The following B3GAT2 variants were observed in gnomAD, a reference collection of about 807,000 sequenced individuals.
The protein encoded by B3GAT2 is galactosylgalactosylxylosylprotein 3-beta-glucuronosyltransferase 2.
B3GAT2 carries 26 observed loss-of-function variants against 27.8 expected under a neutral mutation model. The observed-to-expected ratio is 0.93, with a 90% CI of 0.68 to 1.30. The LOEUF (loss-of-function observed/expected upper bound fraction) is 1.30, where lower values mean the gene tolerates loss of function less well. Ranked by LOEUF, B3GAT2 falls within the 50% of genes most tolerant of loss-of-function variation. B3GAT2 has a pLI of 0.00. For missense variants in B3GAT2, 458 were observed against 459.0 expected (o/e 1.00, Z 0.02); for synonymous variants, 218 against 195.1 (o/e 1.12, Z -0.98).
chr6:70,947,186 G>A (rs1480891941), intron 1 of B3GAT2, among the ~76,000 whole-genome samples: 1 of 151,620 alleles, frequency 6.6e-6, no homozygotes, highest in South Asian at 2.1e-4. Flanking sequence ...AAAAGCAAGA[G>A]CAAACACATT....
intron 1 of B3GAT2, among the ~76,000 whole-genome samples, chr6:70,939,833 A>G (rs1765359774): frequency 6.6e-6 from 1 of 152,098 alleles, no homozygotes; most frequent in Admixed American, 6.5e-5. Context: ...AGCATGGCAC[A>G]TGTATACATA....
At chr6:70,931,170 A>T (rs752772078) in intron 1 of B3GAT2, among the ~76,000 whole-genome samples, 7 of 151,860 alleles carry the variant, frequency 4.6e-5, no homozygotes, top group Non-Finnish European at 7.4e-5. Context: ...AACATCACAC[A>T]CTGGGGCCTG....
In B3GAT2 at chr6:70,861,071, A is replaced by G. The variant is rs1771702412; in HGVS notation, c.*592T>C. The G allele has an allele frequency of 1.0e-5, 2 of 199,262 alleles. No individual in the cohort carries two copies. Among genetic ancestry groups the G allele is most frequent in the Admixed American group, 1.2e-4 (2 of 16,872 alleles). 12.3% of individuals were successfully genotyped at this position (199,262 alleles called of 1,614,324 possible). On this transcript the variant is annotated 3_prime_UTR_variant, in exon 4 of 4. Transcript: ENST00000230053. ...GCCACTTTCAATCTTCAATCCTTGA[A>G]GGTATATCTAGGTTTATGACAGTAA...
In B3GAT2 at chr6:70,860,373, C is replaced by T. The variant is rs1771663377; in HGVS notation, c.*1290G>A. The T allele has an allele frequency of 6.3e-7, 1 of 1,576,658 alleles. No individual in the cohort carries two copies. The highest frequency in any genetic ancestry group is 1.2e-5 in the South Asian group (1 of 85,044). On this transcript the variant is annotated 3_prime_UTR_variant, in exon 4 of 4. Transcript: ENST00000230053. The stretch of plus-strand genomic sequence containing the variant: ...AGTTTCATCCAGAACTACCACCTGA[C>T]ATTCCTTGCTGAAACGCATCTAGTT...
At chr6:70,921,223 T>C (rs1299739069) in intron 1 of B3GAT2, among the ~76,000 whole-genome samples, 1 of 152,196 alleles carries the variant, frequency 6.6e-6, no homozygotes, top group Non-Finnish European at 1.5e-5. Flanking sequence ...GGGATGTCAA[T>C]GAGTCACAGA....
chr6:70,948,155 C>T (rs952066170), intron 1 of B3GAT2, among the ~76,000 whole-genome samples: 4 of 148,488 alleles, frequency 2.7e-5, no homozygotes, highest in African/African-American at 5.0e-5. Context: ...GAGGCATTCC[C>T]TTTGAAAACG....
chr6:70,956,368 A>T lies in B3GAT2; in HGVS notation c.62T>A (p.Ile21Asn). The T allele has an allele frequency of 6.4e-7, 1 of 1,560,512 alleles. No individual in the cohort carries two copies. Residue 21 changes from isoleucine to asparagine, a missense_variant, in exon 1 of 4, where the codon ATC becomes AAC. By Grantham distance (149) the Ile-to-Asn change is moderately radical (BLOSUM62 -3). Coordinates refer to ENST00000230053, the MANE Select transcript of B3GAT2 (RefSeq NM_080742.3). ...CCTGCGCGTGTCCACGTCGAGCATG[A>T]TGATGACAATTAGGATCCAGGGCAG... ...ILLPWILIVI[I>N]MLDVDTRRPV...
intron 2 of B3GAT2, among the ~76,000 whole-genome samples, chr6:70,891,097 C>A (rs1255657594): frequency 6.6e-6 from 1 of 152,186 alleles, no homozygotes; most frequent in Non-Finnish European, 1.5e-5. Flanking sequence ...CAAAACAGAG[C>A]TAAAACCTTT....
chr6:70,870,534 AG>A (rs1184862524), intron 2 of B3GAT2, among the ~76,000 whole-genome samples: 1 of 151,976 alleles, frequency 6.6e-6, no homozygotes, highest in Admixed American at 6.6e-5. Context: ...TAAAACTTAA[AG>A]TATAATAATA....
Position 70,936,160 on chromosome 6 carries a change from C to T in B3GAT2, c.591+19679G>A, listed in dbSNP as rs953831615. Among the ~76,000 whole-genome samples the T allele has an allele frequency of 1.5e-4, 22 of 151,314 alleles. No homozygotes were observed. In the East Asian group the frequency reaches 2.3e-3, roughly 16 times the overall value. On this transcript the variant is annotated intron_variant, in intron 1 of 3. Coordinates refer to ENST00000230053, the MANE Select transcript of B3GAT2 (RefSeq NM_080742.3). The stretch of plus-strand genomic sequence containing the variant: ...AAAGATCAAAAGAGACAAAGAAGGC[C>T]GTTACATAACGGTAAAGGGATCAAT...
At chr6:70,925,902 C>T (rs1470396292) in intron 1 of B3GAT2, among the ~76,000 whole-genome samples, 1 of 152,154 alleles carries the variant, frequency 6.6e-6, no homozygotes, top group Non-Finnish European at 1.5e-5. Context: ...CAGTAGGGGC[C>T]GACTGACACG....
intron 1 of B3GAT2, among the ~76,000 whole-genome samples, chr6:70,904,461 A>G (rs552537760): frequency 9.5e-4 from 144 of 152,090 alleles, no homozygotes; most frequent in Middle Eastern, 3.4e-3. Context: ...CAAACACCCA[A>G]CTCTTGGTTT....
rs1290325257 is a variant in B3GAT2 at position 70,938,362 on chromosome 6, C to G, written c.591+17477G>C. ...TTTATAGATTCAATGCCATCCCCAT[C>G]AAGCTACCAATGACTTTCTTCACAG... On this transcript the variant is annotated intron_variant, in intron 1 of 3. Transcript: ENST00000230053. Among the ~76,000 whole-genome samples, 103 of 149,858 alleles carry G rather than the reference C, an allele frequency of 6.9e-4. 1 individual carries two copies. Among genetic ancestry groups the G allele is most frequent in the South Asian group, 1.3e-3 (6 of 4,702 alleles).
At chr6:70,873,775 T>G (rs1051077280) in intron 2 of B3GAT2, among the ~76,000 whole-genome samples, 5 of 152,126 alleles carry the variant, frequency 3.3e-5, no homozygotes, top group Non-Finnish European at 7.4e-5. Context: ...TCATATCAAT[T>G]TATCTATGTT....
chr6:70,861,696 C>T lies in B3GAT2; in HGVS notation c.939G>A (p.Lys313=), dbSNP rs1771736755. The change falls in exon 4 of 4, where the codon AAG becomes AAA. Residue 313 remains lysine (K), a synonymous_variant. Transcript: ENST00000230053. The part of the protein sequence containing the change: ...TEKVNLANEP[K]YHLDTVKIEV ...CAATTTTCACTGTGTCCAGGTGGTA[C>T]TTTGGCTCGTTGGCTAGATTAACCT... The T allele has an allele frequency of 1.9e-6, 3 of 1,614,064 alleles. No homozygotes were observed. The African/African-American group carries it at 4.0e-5, about 22-fold the overall frequency.
intron 1 of B3GAT2, among the ~76,000 whole-genome samples, chr6:70,907,741 T>G (rs997582278): frequency 2.0e-5 from 3 of 152,230 alleles, no homozygotes; most frequent in Non-Finnish European, 4.4e-5. Flanking sequence ...AGTCATGTGT[T>G]GCTTATAAAG....
intron 1 of B3GAT2, among the ~76,000 whole-genome samples, chr6:70,913,751 T>A (rs1212091246): frequency 1.3e-5 from 2 of 152,194 alleles, no homozygotes; most frequent in Non-Finnish European, 2.9e-5. Flanking sequence ...GTCCCAAGTA[T>A]CTTTGTTAGT....
Position 70,917,958 on chromosome 6 carries a change from C to T in B3GAT2, c.592-23686G>A, listed in dbSNP as rs555714857. Among the ~76,000 whole-genome samples, 197 of 152,214 alleles carry T rather than the reference C, an allele frequency of 1.3e-3. 1 individual carries two copies. The highest frequency in any genetic ancestry group is 4.6e-3 in the African/African-American group (189 of 41,538). On this transcript the variant is annotated intron_variant, in intron 1 of 3. Coordinates refer to ENST00000230053, the MANE Select transcript of B3GAT2 (RefSeq NM_080742.3). ...TTCAAGTCCTGGATATCCTTGTTAA[C>T]TTTCTGTCTCGTTGATCCATCTAAT...
At chr6:70,892,558 C>A (rs1772308467) in intron 2 of B3GAT2, among the ~76,000 whole-genome samples, 1 of 152,174 alleles carries the variant, frequency 6.6e-6, no homozygotes, top group Admixed American at 6.5e-5. Context: ...TGAGCAGTCA[C>A]AATCCTCACT....
Sources: allele counts gnomAD v4.1 joint callset (sites outside exome capture counted in the v4.1 genomes callset), GRCh38; gene constraint gnomAD v4.1.1; transcripts MANE v1.5; gene names NCBI Gene and HGNC (gene_info 2026-07-23, HGNC 2026-07-21).